Variants in HPSE2 observed in about 807,000 individuals in gnomAD.
The protein encoded by HPSE2 is heparanase 2 (inactive).
In HPSE2, 38 loss-of-function variants were observed where a neutral mutation model predicts 60.5. The ratio of observed to expected loss-of-function variants is 0.63; its 90% CI spans 0.48 to 0.82. The LOEUF (loss-of-function observed/expected upper bound fraction) is 0.82. Among genes scored for constraint, HPSE2 ranks in the 40% least tolerant of loss-of-function variants. The pLI, the probability that HPSE2 is intolerant of heterozygous loss-of-function variation, is 0.00. For missense variants in HPSE2, 713 were observed against 740.4 expected, an observed-to-expected ratio of 0.96 and a Z score of 0.43; for synonymous variants, 295 against 293.2, an observed-to-expected ratio of 1.01 and a Z score of -0.06.
intron 3 of HPSE2, among the ~76,000 whole-genome samples, chr10:99,015,468 C>A (rs1303640805): frequency 6.6e-6 from 1 of 152,204 alleles, no homozygotes; most frequent in African/African-American, 2.4e-5. Context: ...CACATATACA[C>A]CATGGAATAC....
the HPSE2 span, among the ~76,000 whole-genome samples, chr10:99,291,722 A>G: frequency 6.6e-6 from 1 of 152,148 alleles, no homozygotes; most frequent in Non-Finnish European, 1.5e-5. Context: ...CGAAAACTAC[A>G]TTCCTAGTAA....
At position 98,935,925 on chromosome 10, in the gene HPSE2, C is replaced by T. The variant is rs188982313; in HGVS notation, c.611-191869G>A. Reference sequence around the variant, plus strand: ...CCACAGCCACCCCTCCCACCAGGTGCTCTGTCCCAAGGAGATGTGAGTTCT... The same window carrying T: ...CCACAGCCACCCCTCCCACCAGGTGTTCTGTCCCAAGGAGATGTGAGTTCT... On this transcript the variant is annotated intron_variant, in intron 3 of 11. Coordinates refer to ENST00000370552, the MANE Select transcript of HPSE2 (RefSeq NM_021828.5). Among the ~76,000 whole-genome samples, 46 of 145,058 alleles carry T rather than the reference C, an allele frequency of 3.2e-4. 4 individuals are homozygous for T. The highest frequency in any genetic ancestry group is 3.1e-3 in the Admixed American group (45 of 14,658).
chr10:98,595,934 C>T (rs1744408897), intron 9 of HPSE2, among the ~76,000 whole-genome samples: 1 of 152,134 alleles, frequency 6.6e-6, no homozygotes, highest in South Asian at 2.1e-4. Flanking sequence ...TTGTCATATG[C>T]TTTTTCTACA....
intron 7 of HPSE2, among the ~76,000 whole-genome samples, chr10:98,636,503 G>A (rs1422105079): frequency 6.6e-6 from 1 of 152,162 alleles, no homozygotes; most frequent in Non-Finnish European, 1.5e-5. Context: ...GCCTCCCAAA[G>A]TGCTGGGATT....
At chr10:99,308,379 C>CAAAAAAAAAAAAAAAAAAA in the HPSE2 span, among the ~76,000 whole-genome samples, 17 of 28,132 alleles carry the variant, frequency 6.0e-4, 1 homozygote, top group African/African-American at 1.1e-3. Context: ...GACTCTGTCT[C>CAAAAAAAAAAAAAAAAAAA]AAAAAAAAAA....
chr10:99,252,563 C>T, the HPSE2 span, among the ~76,000 whole-genome samples: 4 of 151,932 alleles, frequency 2.6e-5, no homozygotes, highest in Admixed American at 1.3e-4. Context: ...GAACACAATC[C>T]CTTTACAATA....
the HPSE2 span, among the ~76,000 whole-genome samples, chr10:99,308,988 A>G: frequency 6.6e-6 from 1 of 152,220 alleles, no homozygotes; most frequent in Non-Finnish European, 1.5e-5. Flanking sequence ...CTCAAAGAGT[A>G]TGTTTATGTA....
At chr10:99,012,432 T>G (rs11189932) in intron 3 of HPSE2, among the ~76,000 whole-genome samples, 72,535 of 148,156 alleles carry the variant, frequency 0.49, 19,452 homozygotes, top group East Asian at 0.62. Flanking sequence ...TTCCTTTTCC[T>G]TTTTTTTTTT....
intron 2 of HPSE2, among the ~76,000 whole-genome samples, chr10:99,193,497 GAA>G (rs972968661): frequency 2.1e-5 from 3 of 139,594 alleles, no homozygotes; most frequent in Admixed American, 7.1e-5. Flanking sequence ...TGAATGGATA[GAA>G]AAAAAAAAAC....
intron 9 of HPSE2, among the ~76,000 whole-genome samples, chr10:98,572,966 T>C (rs544679352): frequency 1.4e-4 from 22 of 152,322 alleles, no homozygotes; most frequent in African/African-American, 5.3e-4. Flanking sequence ...CTATGGTTCC[T>C]GACCTCAAAG....
chr10:98,928,732 G>T (rs1346264169), intron 3 of HPSE2, among the ~76,000 whole-genome samples: 1 of 134,848 alleles, frequency 7.4e-6, no homozygotes, highest in East Asian at 2.1e-4. Flanking sequence ...GTAAACTATC[G>T]CAAGAACAAA....
At chr10:98,807,221 ATTC>A (rs2134553603) in intron 3 of HPSE2, among the ~76,000 whole-genome samples, 1 of 152,346 alleles carries the variant, frequency 6.6e-6, no homozygotes, top group African/African-American at 2.4e-5. Flanking sequence ...AAATTCTGCC[ATTC>A]TTTTTTATAT....
intron 10 of HPSE2, 70 bp downstream of exon 10, chr10:98,489,981 G>T: frequency 6.3e-7 from 1 of 1,580,622 alleles, no homozygotes; most frequent in Non-Finnish European, 8.7e-7. Context: ...GATGAGTCTT[G>T]AAGGGGTCCC....
the HPSE2 span, among the ~76,000 whole-genome samples, chr10:99,288,448 AAAG>A: frequency 4.6e-5 from 7 of 152,214 alleles, no homozygotes; most frequent in East Asian, 1.2e-3. Context: ...CCCAGAATAA[AAAG>A]AAGGTGTAAA....
chr10:99,302,121 A>G, the HPSE2 span, among the ~76,000 whole-genome samples: 4 of 152,188 alleles, frequency 2.6e-5, no homozygotes, highest in Admixed American at 6.5e-5. Flanking sequence ...TGCAGCAGTT[A>G]GCCAACAAGC....
At chr10:99,252,661 A>G in the HPSE2 span, among the ~76,000 whole-genome samples, 3 of 151,996 alleles carry the variant, frequency 2.0e-5, no homozygotes, top group Non-Finnish European at 4.4e-5. Context: ...TAGATCATGA[A>G]GTCAGGAGAT....
intron 6 of HPSE2, among the ~76,000 whole-genome samples, chr10:98,692,067 C>G (rs1307528543): frequency 6.6e-6 from 1 of 151,908 alleles, no homozygotes; most frequent in Non-Finnish European, 1.5e-5. Context: ...ATTATAAGTG[C>G]TATTAAAAAA....
intron 3 of HPSE2, among the ~76,000 whole-genome samples, chr10:98,839,928 A>C (rs997202915): frequency 6.6e-6 from 1 of 152,240 alleles, no homozygotes; most frequent in African/African-American, 2.4e-5. Context: ...TAAATGGGAG[A>C]AACATTACAT....
At chr10:98,987,698 C>A (rs1207366308) in intron 3 of HPSE2, among the ~76,000 whole-genome samples, 1 of 152,170 alleles carries the variant, frequency 6.6e-6, no homozygotes, top group Non-Finnish European at 1.5e-5. Context: ...AAGAGGAAGT[C>A]AAATTGTCCC....
Sources: gnomAD v4.1 joint callset for allele counts (sites outside exome capture counted in the v4.1 genomes callset) on GRCh38, gnomAD v4.1.1 for gene constraint, MANE v1.5 for transcripts, NCBI Gene and HGNC (gene_info 2026-07-23, HGNC 2026-07-21) for gene names.